Variants in SGCZ observed in about 807,000 individuals in gnomAD.
SGCZ encodes zeta-sarcoglycan.
In SGCZ, 40 loss-of-function variants were observed where a neutral mutation model predicts 41.3. The observed-to-expected ratio is 0.97, with a 90% confidence interval of 0.75 to 1.26. The LOEUF (loss-of-function observed/expected upper bound fraction) is 1.26. SGCZ is among the 50% of genes most tolerant of loss of function. SGCZ has a pLI of 0.00. For missense variants in SGCZ, 552 were observed against 369.8 expected, an observed-to-expected ratio of 1.49 and a Z score of -4.04; for synonymous variants, 206 against 137.5, an observed-to-expected ratio of 1.50 and a Z score of -3.49.
intron 3 of SGCZ, among the ~76,000 whole-genome samples, chr8:14,320,108 AT>A (rs983308925): frequency 6.6e-6 from 1 of 150,734 alleles, no homozygotes; most frequent in Non-Finnish European, 1.5e-5. Context: ...TGTTAACAGT[AT>A]TTTTTTTTCT....
chr8:14,182,632 G>A (rs1804766895), intron 4 of SGCZ, among the ~76,000 whole-genome samples: 1 of 152,072 alleles, frequency 6.6e-6, no homozygotes, highest in Non-Finnish European at 1.5e-5. Flanking sequence ...ATAAAGACAA[G>A]AAAAGGAATT....
chr8:14,758,886 T>A (rs1296046775), intron 1 of SGCZ, among the ~76,000 whole-genome samples: 2 of 151,724 alleles, frequency 1.3e-5, no homozygotes, highest in Non-Finnish European at 2.9e-5. Flanking sequence ...TATGTGCCTG[T>A]CATCTCAGCT....
intron 1 of SGCZ, among the ~76,000 whole-genome samples, chr8:14,638,125 T>C (rs1267625433): frequency 6.6e-6 from 1 of 151,870 alleles, no homozygotes; most frequent in Non-Finnish European, 1.5e-5. Flanking sequence ...ATTAATATGA[T>C]CTCTACTTAA....
chr8:14,262,827 A>G (rs1331498215), intron 3 of SGCZ, among the ~76,000 whole-genome samples: 2 of 151,794 alleles, frequency 1.3e-5, no homozygotes, highest in East Asian at 1.9e-4. Context: ...AAGAAAAAAA[A>G]AAAAAACAGC....
rs550901380 is a variant in SGCZ at position 14,978,875 on chromosome 8, T to A, written c.39+258710A>T. On this transcript the variant is annotated intron_variant, in intron 1 of 7. Coordinates refer to ENST00000382080, the MANE Select transcript of SGCZ (RefSeq NM_139167.4). Reference sequence around the variant, plus strand: ...GTGCAGTGGCACGATCTCAGCTCACTGCAACCTCTGCCTCCCAGGCTCAAG... The same window carrying A: ...GTGCAGTGGCACGATCTCAGCTCACAGCAACCTCTGCCTCCCAGGCTCAAG... Among the ~76,000 whole-genome samples, 4 of 152,320 alleles carry A rather than the reference T, an allele frequency of 2.6e-5. No homozygotes were observed. In the South Asian group the frequency reaches 8.3e-4, roughly 32 times the overall value.
intron 4 of SGCZ, 76 bp from the exon 5 acceptor site, chr8:14,164,778 T>C (rs1277999639): frequency 6.7e-7 from 1 of 1,495,412 alleles, no homozygotes; most frequent in African/African-American, 1.4e-5. Flanking sequence ...GGAAATAGAC[T>C]AGAAATGCAT....
chr8:15,178,261 T>C (rs531069776), intron 1 of SGCZ, among the ~76,000 whole-genome samples: 19 of 152,284 alleles, frequency 1.2e-4, no homozygotes, highest in Non-Finnish European at 2.6e-4. Flanking sequence ...TTGATGATAA[T>C]GCAAGAGCAT....
chr8:14,613,642 T>C (rs1374478921), intron 1 of SGCZ, among the ~76,000 whole-genome samples: 1 of 152,222 alleles, frequency 6.6e-6, no homozygotes, highest in African/African-American at 2.4e-5. Flanking sequence ...TATACGCCAT[T>C]AAATCATGTA....
intron 1 of SGCZ, among the ~76,000 whole-genome samples, chr8:14,757,483 CTA>C (rs1799716218): frequency 6.6e-6 from 1 of 152,194 alleles, no homozygotes; most frequent in Non-Finnish European, 1.5e-5. Context: ...TCCTCTCTAA[CTA>C]TACCTAAGAG....
chr8:15,236,552 A>C (rs1802127804), intron 1 of SGCZ, among the ~76,000 whole-genome samples: 1 of 152,340 alleles, frequency 6.6e-6, no homozygotes, highest in Admixed American at 6.5e-5. Flanking sequence ...GGATTTCAAT[A>C]AAAGAGGTGC....
At chr8:14,908,653 G>A (rs1799189595) in intron 1 of SGCZ, among the ~76,000 whole-genome samples, 1 of 150,766 alleles carries the variant, frequency 6.6e-6, no homozygotes, top group Non-Finnish European at 1.5e-5. Flanking sequence ...AGGAGGCTGA[G>A]GCAGGAGAAT....
chr8:14,911,935 A>C (rs1333029301), intron 1 of SGCZ, among the ~76,000 whole-genome samples: 1 of 152,042 alleles, frequency 6.6e-6, no homozygotes, highest in Non-Finnish European at 1.5e-5. Flanking sequence ...GATTTTGCAC[A>C]GGTCAACAGG....
intron 2 of SGCZ, among the ~76,000 whole-genome samples, chr8:14,463,812 T>A (rs557643887): frequency 1.3e-5 from 2 of 151,704 alleles, no homozygotes; most frequent in African/African-American, 4.8e-5. Flanking sequence ...GTTTTTTGAG[T>A]TTTTTATTAT....
At chr8:15,150,248 A>G (rs1585615140) in intron 1 of SGCZ, among the ~76,000 whole-genome samples, 1 of 150,586 alleles carries the variant, frequency 6.6e-6, no homozygotes, top group East Asian at 2.0e-4. Context: ...TTTGATAAAA[A>G]TGAATAATTT....
chr8:14,150,235 G>A (rs1236167172), intron 5 of SGCZ, among the ~76,000 whole-genome samples: 1 of 152,036 alleles, frequency 6.6e-6, no homozygotes, highest in Non-Finnish European at 1.5e-5. Flanking sequence ...TCACCAAAGT[G>A]AAGAGAAAAC....
chr8:14,342,168 G>T (rs1051612351), intron 2 of SGCZ, among the ~76,000 whole-genome samples: 2 of 152,188 alleles, frequency 1.3e-5, no homozygotes, highest in African/African-American at 4.8e-5. Flanking sequence ...CCAGGTCTCA[G>T]ATGGAGATAA....
At chr8:14,790,769 G>A (rs927219166) in intron 1 of SGCZ, among the ~76,000 whole-genome samples, 21 of 152,192 alleles carry the variant, frequency 1.4e-4, no homozygotes, top group African/African-American at 4.3e-4. Flanking sequence ...GTTGGCTATC[G>A]CCTATAATCC....
chr8:14,797,484 G>A (rs1801173201), intron 1 of SGCZ, among the ~76,000 whole-genome samples: 1 of 152,158 alleles, frequency 6.6e-6, no homozygotes, highest in African/African-American at 2.4e-5. Context: ...TAGGCTATCT[G>A]GCAGAAGAAA....
At chr8:14,838,207 A>C (rs999567982) in intron 1 of SGCZ, among the ~76,000 whole-genome samples, 1 of 152,126 alleles carries the variant, frequency 6.6e-6, no homozygotes, top group South Asian at 2.1e-4. Context: ...GTTAATGGGT[A>C]CAAAGATAGG....
Sources: gnomAD v4.1 joint callset for allele counts (sites outside exome capture counted in the v4.1 genomes callset) on GRCh38, gnomAD v4.1.1 for gene constraint, MANE v1.5 for transcripts, NCBI Gene and HGNC (gene_info 2026-07-23, HGNC 2026-07-21) for gene names.